Variants in SMARCA2 observed in about 807,000 individuals in gnomAD.
The protein encoded by SMARCA2 is SWI/SNF related BAF chromatin remodeling complex subunit ATPase 2, also known as SWI/SNF-related matrix-associated actin-dependent regulator of chromatin subfamily A member 2.
In SMARCA2, 61 loss-of-function variants were observed where a neutral mutation model predicts 199.8. The observed-to-expected ratio is 0.31, with a 90% CI of 0.25 to 0.38. The LOEUF (loss-of-function observed/expected upper bound fraction) is 0.38, where lower values mean the gene tolerates loss of function less well. Among genes scored for constraint, SMARCA2 ranks in the 10% least tolerant of loss-of-function variants. SMARCA2 has a pLI of 1.00. For missense variants in SMARCA2, 1,344 were observed against 2,012.2 expected (o/e 0.67, Z 6.35); for synonymous variants, 935 against 732.0 (o/e 1.28, Z -4.48).
chr9:2,136,880 A>G lies in SMARCA2; in HGVS notation c.3981+12943A>G, dbSNP rs115937250. On this transcript the variant is annotated intron_variant, in intron 27 of 33. Transcript: ENST00000349721. Reference sequence around the variant, plus strand: ...AACAACACATATTTTACTTAATGCTAGAATTTTAGTGTCATTCCTCTGGAT... The same window carrying G: ...AACAACACATATTTTACTTAATGCTGGAATTTTAGTGTCATTCCTCTGGAT... Among the ~76,000 whole-genome samples the G allele has an allele frequency of 4.3e-3, 653 of 152,306 alleles. 5 individuals carry two copies. The highest frequency in any genetic ancestry group is 0.015 in the African/African-American group (616 of 41,556).
chr9:2,086,996 C>G lies in SMARCA2; in HGVS notation c.2694C>G (p.Leu898=), dbSNP rs1328990736. Residue 898 remains leucine, a synonymous_variant, in exon 18 of 34, where the codon CTC becomes CTG. Transcript: ENST00000349721. This position sits in a 1 kb window ranked among gnomAD's most constrained non-coding sequence, Gnocchi z 4.3. ...LPELWALLNF[L]LPTIFKSCST... ...AACTCTGGGCCCTCCTCAACTTCCTCCTCCCAACAATTTTTAAGAGCTGCA... is the reference window on the plus strand; with the variant it reads ...AACTCTGGGCCCTCCTCAACTTCCTGCTCCCAACAATTTTTAAGAGCTGCA... The G allele has an allele frequency of 1.2e-6, 2 of 1,614,068 alleles. No homozygotes were observed. The highest frequency in any genetic ancestry group is 1.7e-6 in the Non-Finnish European group (2 of 1,180,036).
rs1464944420 is a variant in SMARCA2 at position 2,170,623 on chromosome 9, A to C, written c.4253+151A>C. On this transcript the variant is annotated intron_variant, in intron 29 of 33. Coordinates refer to ENST00000349721, the MANE Select transcript of SMARCA2 (RefSeq NM_003070.5). This position sits in a 1 kb window ranked among gnomAD's most constrained non-coding sequence, Gnocchi z 4.7. ...TGGAGAGCGGGATAGAGGCACAGATACTCTTAAACAGCTGTCATGGCTTCT... is the reference window on the plus strand; with the variant it reads ...TGGAGAGCGGGATAGAGGCACAGATCCTCTTAAACAGCTGTCATGGCTTCT... The C allele has an allele frequency of 7.1e-6, 9 of 1,270,116 alleles. No individual in the cohort carries two copies. The East Asian group carries it at 2.2e-4, about 31-fold the overall frequency. The allele number at this position is 1,270,116 out of a possible 1,614,324, so 78.7% of individuals were successfully genotyped here.
chr9:2,172,832 C>T (rs76395484), intron 29 of SMARCA2, among the ~76,000 whole-genome samples: 51 of 152,164 alleles, frequency 3.4e-4, no homozygotes, highest in South Asian at 2.1e-4. Context: ...ATCAGCCCTG[C>T]AGTGGAAAGT....
rs113669599 is a variant in SMARCA2 at position 2,065,212 on chromosome 9, G to T, written c.1692+4226G>T. Reference sequence around the variant, plus strand: ...AAAAAAAAGTCTAGCCATTTCAGAGGTTCAGTTTCCAGAGCCGTTGACATC... The same window carrying T: ...AAAAAAAAGTCTAGCCATTTCAGAGTTTCAGTTTCCAGAGCCGTTGACATC... On this transcript the variant is annotated intron_variant, in intron 9 of 33. Coordinates refer to ENST00000349721, the MANE Select transcript of SMARCA2 (RefSeq NM_003070.5). 2.9e-3 allele frequency among the ~76,000 whole-genome samples: 444 copies of T among 152,184 alleles called. 2 individuals are homozygous for T. Among genetic ancestry groups the T allele is most frequent in the Non-Finnish European group, 3.3e-3 (224 of 68,008 alleles).
rs74852949 is a variant in SMARCA2, at chr9:2,046,682, A to C, written c.791-547A>C. 5.3e-3 allele frequency among the ~76,000 whole-genome samples: 808 copies of C among 152,250 alleles called. 7 individuals are homozygous for C. Among genetic ancestry groups the C allele is most frequent in the African/African-American group, 0.019 (780 of 41,524 alleles). On this transcript the variant is annotated intron_variant, in intron 4 of 33. Coordinates refer to ENST00000349721, the MANE Select transcript of SMARCA2 (RefSeq NM_003070.5). ...CCAGATTGCGATAGAGGTCTGTCCT[A>C]AAAGGGCTTCAGATTGGGATAGAGG...
chr9:2,094,890 T>G (rs1262278442), intron 19 of SMARCA2, among the ~76,000 whole-genome samples: 1 of 152,160 alleles, frequency 6.6e-6, no homozygotes, highest in African/African-American at 2.4e-5. Context: ...CGTTTTTCTT[T>G]ACCCTTATCA....
At chr9:2,094,717 G>C (rs1822197329) in intron 19 of SMARCA2, among the ~76,000 whole-genome samples, 1 of 152,198 alleles carries the variant, frequency 6.6e-6, no homozygotes, top group South Asian at 2.1e-4. Context: ...TCTATAAAAT[G>C]AGAAGGCTAA....
At chr9:2,190,631 A>T (rs1586823416) in intron 32 of SMARCA2, among the ~76,000 whole-genome samples, 1 of 119,532 alleles carries the variant, frequency 8.4e-6, no homozygotes, top group African/African-American at 4.4e-5. Flanking sequence ...ATGTAGAATC[A>T]CACACACACA....
intron 13 of SMARCA2, among the ~76,000 whole-genome samples, 186 bp from the exon 14 acceptor site, chr9:2,077,443 C>T (rs1044785361): frequency 5.3e-5 from 8 of 152,274 alleles, no homozygotes; most frequent in South Asian, 2.1e-4. Context: ...ATCATCATAA[C>T]GCCTTTTGTG....
In SMARCA2 at chr9:2,060,799, TC is replaced by T; in HGVS notation, c.1522-16del. 6.2e-7 allele frequency: 1 copy of T among 1,612,492 alleles called. No homozygotes were observed. The stretch of plus-strand genomic sequence containing the variant: ...CGCTTATATTATGCTCTCATCCTGC[TC>T]TTCTTTCCTTAATAGGCTGAAGATG... On this transcript the variant is annotated splice_polypyrimidine_tract_variant and intron_variant, in intron 8 of 33. Transcript: ENST00000349721.
chr9:2,023,783 C>T (rs1164568589), intron 1 of SMARCA2, among the ~76,000 whole-genome samples: 1 of 152,216 alleles, frequency 6.6e-6, no homozygotes, highest in African/African-American at 2.4e-5. Context: ...GATGTTGCTA[C>T]TTCTTGTGGG....
At chr9:2,148,072 C>A (rs181400821) in intron 27 of SMARCA2, among the ~76,000 whole-genome samples, 1 of 151,818 alleles carries the variant, frequency 6.6e-6, no homozygotes, top group Non-Finnish European at 1.5e-5. Context: ...GTCTAGCCCT[C>A]ACCAAATTCA....
intron 9 of SMARCA2, among the ~76,000 whole-genome samples, chr9:2,062,618 C>T (rs902075055): frequency 8.5e-5 from 13 of 152,280 alleles, no homozygotes; most frequent in African/African-American, 2.4e-4. Context: ...TAAGTTGGCA[C>T]GCCCCTTTCA....
intron 19 of SMARCA2, among the ~76,000 whole-genome samples, chr9:2,095,633 C>T (rs956166994): frequency 6.6e-6 from 1 of 152,146 alleles, no homozygotes; most frequent in African/African-American, 2.4e-5. Context: ...AATGTGTGGC[C>T]AGAAACTATT....
chr9:2,192,965 C>A lies in SMARCA2; in HGVS notation c.*226C>A. 4.1e-6 allele frequency: 2 copies of A among 492,206 alleles called. No homozygotes were observed. The highest frequency in any genetic ancestry group is 3.8e-5 in the Admixed American group (1 of 26,078). 30.5% of individuals were successfully genotyped at this position (492,206 alleles called of 1,614,324 possible). ...TGTGACCAAATGGGCCTCAAAGATT[C>A]AGATTGAAACAAACAAAAAGCTTTT... is the stretch of plus-strand genomic sequence containing the variant. On this transcript the variant is annotated 3_prime_UTR_variant, in exon 34 of 34. Transcript: ENST00000349721.
Position 2,028,840 on chromosome 9 carries a change from ACACT to A in SMARCA2, c.-36-140_-36-137del, listed in dbSNP as rs1183167821. The A allele has an allele frequency of 1.6e-5, 10 of 645,098 alleles. No individual in the cohort carries two copies. In the East Asian group the frequency reaches 1.7e-4, roughly 11 times the overall value. 40.0% of individuals were successfully genotyped at this position (645,098 alleles called of 1,614,324 possible). ...AGACTAGGGCAGACGGATGTATATC[ACACT>A]CACTCAAACATCTGGACTAGACAGG... On this transcript the variant is annotated intron_variant, in intron 1 of 33. Coordinates refer to ENST00000349721, the MANE Select transcript of SMARCA2 (RefSeq NM_003070.5).
At chr9:2,187,971 AAAG>A (rs1394009199) in intron 32 of SMARCA2, among the ~76,000 whole-genome samples, 2 of 152,120 alleles carry the variant, frequency 1.3e-5, no homozygotes, top group African/African-American at 4.8e-5. Flanking sequence ...GTGTGGAAAA[AAAG>A]GTAACGTCTC....
intron 2 of SMARCA2, 167 bp from the exon 3 acceptor site, chr9:2,032,785 A>T: frequency 1.9e-6 from 1 of 534,890 alleles, no homozygotes; most frequent in Non-Finnish European, 3.2e-6. Context: ...CATTTGACTT[A>T]CAGATAGTTT....
In SMARCA2 at chr9:2,115,150, G is replaced by A. The variant is rs554727592; in HGVS notation, c.3457-672G>A. ...GATTATTTGTTTAGGATACATTTCCGAAGTAATATTTCTAAGTCGGAGACA... is the reference window on the plus strand; with the variant it reads ...GATTATTTGTTTAGGATACATTTCCAAAGTAATATTTCTAAGTCGGAGACA... On this transcript the variant is annotated intron_variant, in intron 24 of 33. Transcript: ENST00000349721. The surrounding 1 kb of genome is among the most constrained non-coding windows in gnomAD (Gnocchi z 6.0). Among the ~76,000 whole-genome samples, 6 of 71,876 alleles carry A rather than the reference G, an allele frequency of 8.3e-5. No homozygotes were observed. The highest frequency in any genetic ancestry group is 8.1e-4 in the African/African-American group (3 of 3,710). 47.2% of individuals were successfully genotyped at this position (71,876 alleles called of 152,430 possible). A position where few individuals can be genotyped will look rare whatever the true frequency, so the allele number is the denominator to read the frequency against.
Sources: gnomAD v4.1 joint callset for allele counts (sites outside exome capture counted in the v4.1 genomes callset) on GRCh38, gnomAD v4.1.1 for gene constraint, Gnocchi (gnomAD v3.1) non-coding constraint, MANE v1.5 for transcripts, NCBI Gene and HGNC (gene_info 2026-07-23, HGNC 2026-07-21) for gene names.